The following C1orf54 variants were observed in gnomAD, a reference collection of about 807,000 sequenced individuals.
C1orf54 encodes uncharacterized protein C1orf54.
A neutral mutation model predicts 14.7 loss-of-function variants in C1orf54; 12 were observed. That is an observed-to-expected ratio of 0.82 (90% CI 0.52 to 1.32). The LOEUF (loss-of-function observed/expected upper bound fraction) is 1.32, where lower values mean the gene tolerates loss of function less well. C1orf54 is among the 40% of genes most tolerant of loss of function. The pLI, the probability that C1orf54 is intolerant of heterozygous loss-of-function variation, is 0.00. For missense variants in C1orf54, 163 were observed against 162.2 expected, an observed-to-expected ratio of 1.00 and a Z score of -0.03; for synonymous variants, 65 against 56.3, an observed-to-expected ratio of 1.16 and a Z score of -0.70.
In C1orf54 at chr1:150,274,144, A is replaced by G. The variant is rs1222893610; in HGVS notation, c.104A>G (p.Tyr35Cys). ...LGEDEYYQVVYYYTVTPSYDD... is the reference protein window; with the variant it reads ...LGEDEYYQVVCYYTVTPSYDD... ...GAGGATGAATATTATCAGGTGGTCT[A>G]TTATTATACAGTCACCCCCAGTTAT... Residue 35 changes from tyrosine to cysteine, a missense_variant, in exon 2 of 6, where the codon TAT (tyrosine) becomes TGT (cysteine). Tyr to Cys is a radical substitution (Grantham distance 194). Transcript: ENST00000369099. 4.3e-6 allele frequency: 7 copies of G among 1,612,002 alleles called. No homozygotes were observed. The highest frequency in any genetic ancestry group is 5.9e-6 in the Non-Finnish European group (7 of 1,178,192).
At chr1:150,277,430 G>C (rs1365707640) in intron 4 of C1orf54, among the ~76,000 whole-genome samples, 1 of 147,280 alleles carries the variant, frequency 6.8e-6, no homozygotes, top group Non-Finnish European at 1.5e-5. Flanking sequence ...TTGAACCCGG[G>C]AGGCAGAGGT....
At position 150,274,092 on chromosome 1, in the gene C1orf54, G is replaced by C. The variant is rs782237619; in HGVS notation, c.52G>C (p.Glu18Gln). The change falls in exon 2 of 6, where the codon GAA (glutamate) becomes CAA (glutamine). Residue 18 changes from glutamate to glutamine, a missense_variant. By Grantham distance (29) the Glu-to-Gln change is conservative. Transcript: ENST00000369099. ...IFAVPLILGQEYEDEERLGED... is the reference protein window; with the variant it reads ...IFAVPLILGQQYEDEERLGED... ...TCTAGTCCTTGTCCCCATAGGACAA[G>C]AATATGAGGATGAAGAAAGACTGGG... 6.2e-7 allele frequency: 1 copy of C among 1,610,506 alleles called. No homozygotes were observed.
At chr1:150,279,290 ATAGAG>A (rs1365325780) in intron 4 of C1orf54, among the ~76,000 whole-genome samples, 6 of 152,186 alleles carry the variant, frequency 3.9e-5, no homozygotes, top group Non-Finnish European at 8.8e-5. Context: ...TAAATAAAAT[ATAGAG>A]TAGACTCTCT....
chr1:150,277,139 T>G lies in C1orf54; in HGVS notation c.300+507T>G, dbSNP rs1356556800. Among the ~76,000 whole-genome samples the G allele has an allele frequency of 2.0e-5, 3 of 152,184 alleles. No homozygotes were observed. The East Asian group carries it at 5.8e-4, about 29-fold the overall frequency. On this transcript the variant is annotated intron_variant, in intron 4 of 5. Coordinates refer to ENST00000369099, the MANE Select transcript of C1orf54 (RefSeq NM_024579.4). ...CTTGAGATACACCCTGAAGAATAGATGAGCTTTTGATTGGTGGGTAGTTAT... is the reference window on the plus strand; with the variant it reads ...CTTGAGATACACCCTGAAGAATAGAGGAGCTTTTGATTGGTGGGTAGTTAT...
chr1:150,268,855 C>G (rs782159012), upstream of C1orf54: 35 of 1,521,806 alleles, frequency 2.3e-5, no homozygotes, highest in Non-Finnish European at 3.1e-5. Flanking sequence ...CCAGGACAGG[C>G]AAATGGGAGG....
chr1:150,272,725 C>A, upstream of C1orf54: 1 of 1,329,394 alleles, frequency 7.5e-7, no homozygotes, highest in Non-Finnish European at 1.1e-6. Context: ...CAGCTCCTTC[C>A]CTGCTTTGGA....
At chr1:150,272,914 TGGGGTGG>T in intron 1 of C1orf54, 51 bp downstream of exon 1, 2 of 1,597,462 alleles carry the variant, frequency 1.3e-6, no homozygotes, top group Non-Finnish European at 8.6e-7. Context: ...CTACCATAAA[TGGGGTGG>T]GAGAAAAAAA....
intron 4 of C1orf54, among the ~76,000 whole-genome samples, chr1:150,278,477 G>A (rs1233802903): frequency 1.3e-5 from 2 of 152,144 alleles, no homozygotes; most frequent in African/African-American, 4.8e-5. Flanking sequence ...CAGGGCTAGA[G>A]TTCTAAGTGC....
Position 150,279,702 on chromosome 1 carries a change from G to T in C1orf54, c.360G>T (p.Ser120=), listed in dbSNP as rs201080106. The T allele has an allele frequency of 5.6e-6, 9 of 1,613,000 alleles. No homozygotes were observed. The highest frequency in any genetic ancestry group is 7.6e-6 in the Non-Finnish European group (9 of 1,179,604). Residue 120 remains serine, a synonymous_variant, in exon 5 of 6, where the codon TCG becomes TCT. Transcript: ENST00000369099. ...GAAGTCCTATTCCCCTCCTCCTGTC[G>T]TGTGCCTTTGTTCAGGTGGGGATGT... is the stretch of plus-strand genomic sequence containing the variant. ...SLRSPIPLLL[S]CAFVQVGMYF...
chr1:150,275,394 T>G (rs1014599183), intron 2 of C1orf54, among the ~76,000 whole-genome samples: 1 of 151,822 alleles, frequency 6.6e-6, no homozygotes, highest in African/African-American at 2.4e-5. Context: ...TCCCAGCTAC[T>G]CAGGAGGCTG....
Position 150,280,843 on chromosome 1 carries a change from A to C in C1orf54, c.*12A>C. On this transcript the variant is annotated 3_prime_UTR_variant, in exon 6 of 6. Transcript: ENST00000369099. ...TTTCTCTGCTTTTTTAGGTGGAAGA[A>C]GGCTGCTATGACTCTTTGGATGGGA... is the stretch of plus-strand genomic sequence containing the variant. The C allele has an allele frequency of 6.5e-7, 1 of 1,550,300 alleles. No homozygotes were observed. Among genetic ancestry groups the C allele is most frequent in the South Asian group, 1.2e-5 (1 of 84,034 alleles).
chr1:150,272,637 G>A, upstream of C1orf54: 2 of 634,726 alleles, frequency 3.2e-6, no homozygotes, highest in Non-Finnish European at 5.6e-6. Flanking sequence ...CTCTGGCTGG[G>A]GACCGGCAGT....
intron 4 of C1orf54, among the ~76,000 whole-genome samples, chr1:150,279,271 A>T (rs1436740756): frequency 6.6e-6 from 1 of 152,158 alleles, no homozygotes; most frequent in Non-Finnish European, 1.5e-5. Context: ...TAATAAATAA[A>T]CAAACAAATA....
chr1:150,272,679 G>A (rs139708128), upstream of C1orf54: 8,755 of 793,230 alleles, frequency 0.011, 79 homozygotes, highest in Non-Finnish European at 0.015. Flanking sequence ...GCCAGTAGGC[G>A]GGGAGTTCTG....
chr1:150,275,008 A>G (rs587678460), intron 2 of C1orf54, among the ~76,000 whole-genome samples: 4 of 151,246 alleles, frequency 2.6e-5, no homozygotes, highest in African/African-American at 9.7e-5. Context: ...ACCACCCTGG[A>G]CATCATAGCA....
rs782600469 is a variant in C1orf54 at position 150,275,792 on chromosome 1, A to C, written c.182A>C (p.Asp61Ala). 1.7e-5 allele frequency: 28 copies of C among 1,610,928 alleles called. No homozygotes were observed. Among genetic ancestry groups the C allele is most frequent in the Non-Finnish European group, 2.3e-5 (27 of 1,177,302 alleles). The change falls in exon 3 of 6, where the codon GAC becomes GCC. Residue 61 changes from aspartate (D) to alanine (A), a missense_variant. Physicochemically the swap from Asp to Ala is moderately radical, Grantham distance 126. Coordinates refer to ENST00000369099, the MANE Select transcript of C1orf54 (RefSeq NM_024579.4). ...TIDYSIFESEDRLNRLDKDIT... is the reference protein window; with the variant it reads ...TIDYSIFESEARLNRLDKDIT... ...GATTACTCCATATTTGAGTCAGAGG[A>C]CAGGCTGGTGAGTGAACTCTACATC... is the stretch of plus-strand genomic sequence containing the variant.
At position 150,276,595 on chromosome 1, in the gene C1orf54, C is replaced by G; in HGVS notation, c.263C>G (p.Pro88Arg). ...ISLETARADH[P>R]KPVTVKPVTT... ...CTTGAAACAGCACGTGCAGACCATC[C>G]GAAGCCTGTAACTGTGAAACCAGTA... Residue 88 changes from proline (P) to arginine (R), a missense_variant, in exon 4 of 6, where the codon CCG becomes CGG. Physicochemically the swap from Pro to Arg is moderately radical, Grantham distance 103. Transcript: ENST00000369099. 6.2e-7 allele frequency: 1 copy of G among 1,614,018 alleles called. No individual in the cohort carries two copies. The highest frequency in any genetic ancestry group is 8.5e-7 in the Non-Finnish European group (1 of 1,180,020).
upstream of C1orf54, among the ~76,000 whole-genome samples, chr1:150,271,882 T>TA (rs1553851327): frequency 2.0e-5 from 3 of 152,146 alleles, no homozygotes; most frequent in Non-Finnish European, 2.9e-5. Flanking sequence ...CTCATGCCTG[T>TA]AATCCCAGTA....
At chr1:150,271,716 A>G (rs587691242), upstream of C1orf54, among the ~76,000 whole-genome samples, 1 of 152,292 alleles carries the variant, frequency 6.6e-6, no homozygotes, top group South Asian at 2.1e-4. Flanking sequence ...AAAACTCTAC[A>G]CCTGTAGGAC....
Sources: gnomAD v4.1 joint callset for allele counts (sites outside exome capture counted in the v4.1 genomes callset) on GRCh38, gnomAD v4.1.1 for gene constraint, MANE v1.5 for transcripts, NCBI Gene and HGNC (gene_info 2026-07-23, HGNC 2026-07-21) for gene names.